The following CEMIP variants were observed in gnomAD, a reference collection of about 807,000 sequenced individuals.
CEMIP encodes the protein cell migration-inducing and hyaluronan-binding protein.
CEMIP carries 105 observed loss-of-function variants against 156.9 expected under a neutral mutation model. The observed-to-expected ratio is 0.67, with a 90% confidence interval of 0.57 to 0.79. CEMIP has a LOEUF of 0.79. Ranked by LOEUF, CEMIP falls within the 30% of genes least tolerant of loss-of-function variation. CEMIP has a pLI of 0.00. For synonymous variants in CEMIP, 676 were observed against 668.4 expected, an observed-to-expected ratio of 1.01 and a Z score of -0.17; for missense variants, 1,457 against 1,769.4, an observed-to-expected ratio of 0.82 and a Z score of 3.17.
chr15:80,833,876 G>A (rs949602456), intron 1 of CEMIP, among the ~76,000 whole-genome samples: 4 of 151,952 alleles, frequency 2.6e-5, no homozygotes, highest in African/African-American at 9.7e-5. Context: ...TGCCATGTTG[G>A]CCAGGCTGGT....
At position 80,941,780 on chromosome 15, in the gene CEMIP, G is replaced by C. The variant is rs751049579; in HGVS notation, c.3408-69G>C. On this transcript the variant is annotated intron_variant, in intron 25 of 29. Transcript: ENST00000394685. Reference sequence around the variant, plus strand: ...ATGACCAGCTCAGAGTAAATGTCTCGGTGGGTGGGAGGAGAAGAGGGAGGT... The same window carrying C: ...ATGACCAGCTCAGAGTAAATGTCTCCGTGGGTGGGAGGAGAAGAGGGAGGT... The C allele has an allele frequency of 4.2e-5, 59 of 1,415,002 alleles. No individual in the cohort carries two copies. In the African/African-American group the frequency reaches 5.5e-4, roughly 13 times the overall value. 87.7% of individuals were successfully genotyped at this position (1,415,002 alleles called of 1,614,324 possible).
intron 14 of CEMIP, among the ~76,000 whole-genome samples, chr15:80,911,347 T>C (rs1238749791): frequency 6.6e-6 from 1 of 152,268 alleles, no homozygotes; most frequent in African/African-American, 2.4e-5. Flanking sequence ...CAGGCTTCAC[T>C]GAGTCTTTGG....
At chr15:80,803,077 A>C (rs560423608) in intron 1 of CEMIP, among the ~76,000 whole-genome samples, 2 of 152,172 alleles carry the variant, frequency 1.3e-5, no homozygotes, top group South Asian at 4.1e-4. Context: ...ATTATTCTTC[A>C]TTCACGCTTC....
chr15:80,913,464 A>T (rs920014470), intron 14 of CEMIP, among the ~76,000 whole-genome samples: 2 of 120,828 alleles, frequency 1.7e-5, no homozygotes, highest in African/African-American at 6.6e-5. Flanking sequence ...TCAGTAGAAC[A>T]TTGAGGTAAA....
chr15:80,900,756 G>T, intron 12 of CEMIP: 8 of 325,526 alleles, frequency 2.5e-5, no homozygotes, highest in Non-Finnish European at 3.0e-5. Context: ...CCATTCTCTG[G>T]CTCTCCATCT....
intron 5 of CEMIP, 29 bp downstream of exon 5, chr15:80,879,883 G>A: frequency 6.2e-7 from 1 of 1,613,516 alleles, no homozygotes; most frequent in Non-Finnish European, 8.5e-7. Flanking sequence ...CAGATCAAAT[G>A]CTACCCATGG....
chr15:80,801,948 G>A (rs1195842994), intron 1 of CEMIP, among the ~76,000 whole-genome samples: 1 of 152,168 alleles, frequency 6.6e-6, no homozygotes, highest in East Asian at 1.9e-4. Context: ...AAGTATACAG[G>A]AGGATGTATG....
intron 12 of CEMIP, among the ~76,000 whole-genome samples, chr15:80,898,826 C>T (rs114838303): frequency 3.9e-5 from 6 of 152,222 alleles, no homozygotes; most frequent in Non-Finnish European, 7.3e-5. Context: ...TTGCACACTT[C>T]CCCCACCCTT....
At chr15:80,924,161 C>T (rs1900572279) in intron 17 of CEMIP, among the ~76,000 whole-genome samples, 1 of 152,328 alleles carries the variant, frequency 6.6e-6, no homozygotes, top group African/African-American at 2.4e-5. Context: ...TCAAGACAGG[C>T]AGGAGCTAAA....
intron 1 of CEMIP, among the ~76,000 whole-genome samples, chr15:80,788,504 A>C (rs1292398727): frequency 3.3e-5 from 5 of 152,028 alleles, no homozygotes. Flanking sequence ...GAAAAAAGAA[A>C]AAGAAAAAGA....
intron 1 of CEMIP, among the ~76,000 whole-genome samples, chr15:80,806,816 A>G (rs557982765): frequency 6.6e-6 from 1 of 152,202 alleles, no homozygotes; most frequent in African/African-American, 2.4e-5. Flanking sequence ...ACCTCCGTCT[A>G]TTTCTGGGAA....
chr15:80,915,892 C>T (rs1900258289), intron 14 of CEMIP, among the ~76,000 whole-genome samples: 1 of 152,178 alleles, frequency 6.6e-6, no homozygotes, highest in Non-Finnish European at 1.5e-5. Flanking sequence ...TGGCAATCTT[C>T]TTTTCAGCAG....
At chr15:80,791,673 A>G (rs1896085126) in intron 1 of CEMIP, among the ~76,000 whole-genome samples, 1 of 152,160 alleles carries the variant, frequency 6.6e-6, no homozygotes, top group African/African-American at 2.4e-5. Context: ...ATGCAGTCTC[A>G]GGGCTGGGGT....
intron 1 of CEMIP, among the ~76,000 whole-genome samples, chr15:80,843,261 AAGT>A (rs1897469808): frequency 6.6e-6 from 1 of 152,252 alleles, no homozygotes; most frequent in Non-Finnish European, 1.5e-5. Flanking sequence ...TCACTGGTTC[AAGT>A]GAGTAGAGCT....
At chr15:80,831,755 G>A (rs1191121135) in intron 1 of CEMIP, among the ~76,000 whole-genome samples, 2 of 152,184 alleles carry the variant, frequency 1.3e-5, no homozygotes, top group African/African-American at 4.8e-5. Context: ...GGGCAACTGT[G>A]GTGGTGAAGG....
chr15:80,860,896 C>T (rs1897967914), intron 1 of CEMIP, among the ~76,000 whole-genome samples: 2 of 152,132 alleles, frequency 1.3e-5, no homozygotes, highest in Admixed American at 1.3e-4. Context: ...CTGTGTGTTC[C>T]CAGGGCATCT....
chr15:80,818,601 C>A (rs927602012), intron 1 of CEMIP, among the ~76,000 whole-genome samples: 1 of 152,194 alleles, frequency 6.6e-6, no homozygotes, highest in Non-Finnish European at 1.5e-5. Flanking sequence ...CAGAATAGCT[C>A]ATCAATTTCA....
intron 1 of CEMIP, among the ~76,000 whole-genome samples, chr15:80,812,959 T>C (rs1265065924): frequency 6.6e-6 from 1 of 152,260 alleles, no homozygotes; most frequent in Non-Finnish European, 1.5e-5. Flanking sequence ...TAGCCATCCC[T>C]ACACCAGCAT....
At chr15:80,812,833 T>A (rs1343651953) in intron 1 of CEMIP, among the ~76,000 whole-genome samples, 2 of 152,190 alleles carry the variant, frequency 1.3e-5, no homozygotes, top group East Asian at 1.9e-4. Flanking sequence ...TAACAAACAC[T>A]TAGCGTAGGC....
Sources: allele counts gnomAD v4.1 joint callset (sites outside exome capture counted in the v4.1 genomes callset), GRCh38; gene constraint gnomAD v4.1.1; transcripts MANE v1.5; gene names NCBI Gene and HGNC (gene_info 2026-07-23, HGNC 2026-07-21).